Variants in ASAP2 observed in about 807,000 individuals in gnomAD.
ASAP2 encodes arf-GAP with SH3 domain, ANK repeat and PH domain-containing protein 2.
A neutral mutation model predicts 131.4 loss-of-function variants in ASAP2; 45 were observed. The observed-to-expected ratio is 0.34, with a 90% CI of 0.27 to 0.44. The LOEUF is 0.44. ASAP2 is among the 20% of genes least tolerant of loss of function. The pLI is 1.00. For synonymous variants in ASAP2, 510 were observed against 503.0 expected (o/e 1.01, Z -0.19); for missense variants, 1,011 against 1,297.0 (o/e 0.78, Z 3.39).
At chr2:9,215,978 C>G (rs1661994343) in intron 1 of ASAP2, among the ~76,000 whole-genome samples, 1 of 152,176 alleles carries the variant, frequency 6.6e-6, no homozygotes. Flanking sequence ...AAGAGTTCAG[C>G]AGAGCTGCAC....
chr2:9,255,928 G>A (rs1572267395), intron 1 of ASAP2, among the ~76,000 whole-genome samples: 1 of 152,116 alleles, frequency 6.6e-6, no homozygotes, highest in Non-Finnish European at 1.5e-5. Flanking sequence ...AGCATGCTAG[G>A]CATTGAGGGA....
At chr2:9,282,705 T>C (rs1375795182) in intron 2 of ASAP2, among the ~76,000 whole-genome samples, 3 of 152,244 alleles carry the variant, frequency 2.0e-5, no homozygotes, top group Non-Finnish European at 2.9e-5. Flanking sequence ...TTATGTACGA[T>C]TGAAAGAACA....
chr2:9,343,796 C>G (rs928156644), intron 9 of ASAP2, among the ~76,000 whole-genome samples: 2 of 151,714 alleles, frequency 1.3e-5, no homozygotes, highest in African/African-American at 4.9e-5. Flanking sequence ...ATGCCAGACA[C>G]TGGACTTGGG....
Position 9,393,551 on chromosome 2 carries a change from C to A in ASAP2, c.2588C>A (p.Pro863Gln), listed in dbSNP as rs147371192. The A allele has an allele frequency of 6.3e-6, 10 of 1,591,044 alleles. No homozygotes were observed. The African/African-American group carries it at 1.1e-4, about 17-fold the overall frequency. ...TPSVMEALSQ[P>Q]SKPAPPGISQ... ...AGCGTAATGGAAGCCTTGAGCCAGC[C>A]GAGCAAGCCTGCCCCGCCTGGGATC... is the stretch of plus-strand genomic sequence containing the variant. The change falls in exon 24 of 28, where the codon CCG becomes CAG. Residue 863 changes from proline (P) to glutamine (Q), a missense_variant. By Grantham distance (76) the Pro-to-Gln change is moderately conservative. Coordinates refer to ENST00000281419, the MANE Select transcript of ASAP2 (RefSeq NM_003887.3).
intron 2 of ASAP2, among the ~76,000 whole-genome samples, chr2:9,288,564 T>G (rs944767778): frequency 1.2e-4 from 19 of 152,162 alleles, no homozygotes; most frequent in African/African-American, 4.6e-4. Flanking sequence ...TGAAAGCTGC[T>G]TACCCTGGCA....
At position 9,405,377 on chromosome 2, in the gene ASAP2, C is replaced by G. The variant is rs913695191; in HGVS notation, c.*2050C>G. 9.8e-5 allele frequency: 15 copies of G among 152,726 alleles called. No individual in the cohort carries two copies. Among genetic ancestry groups the G allele is most frequent in the African/African-American group, 3.6e-4 (15 of 41,574 alleles). The allele number at this position is 152,726 out of a possible 1,614,324, so 9.5% of individuals were successfully genotyped here. ...CTGCAGGATTCTGGCATTTTGCATG[C>G]CATTCTCCATCAGATCTGGGATGAT... On this transcript the variant is annotated 3_prime_UTR_variant, in exon 28 of 28. Transcript: ENST00000281419.
intron 1 of ASAP2, among the ~76,000 whole-genome samples, chr2:9,277,582 C>G (rs182951253): frequency 1.9e-4 from 29 of 152,220 alleles, no homozygotes; most frequent in African/African-American, 6.5e-4. Context: ...AGGTTCACAA[C>G]AAAATTGAAT....
At chr2:9,255,416 TCA>T (rs1665087393) in intron 1 of ASAP2, among the ~76,000 whole-genome samples, 1 of 152,224 alleles carries the variant, frequency 6.6e-6, no homozygotes, top group Non-Finnish European at 1.5e-5. Context: ...GATAAATCAT[TCA>T]CACAGAAAAA....
In ASAP2 at chr2:9,230,625, A is replaced by T. The variant is rs114922994; in HGVS notation, c.126+23395A>T. On this transcript the variant is annotated intron_variant, in intron 1 of 27. Coordinates refer to ENST00000281419, the MANE Select transcript of ASAP2 (RefSeq NM_003887.3). The stretch of plus-strand genomic sequence containing the variant: ...TCCCCCAGAACTGAGATGCTGGATG[A>T]GGTGCCTGCATCCCCTGAGCTGCTT... Among the ~76,000 whole-genome samples the T allele has an allele frequency of 4.5e-3, 682 of 152,290 alleles. 4 individuals are homozygous for T. The highest frequency in any genetic ancestry group is 0.016 in the African/African-American group (650 of 41,566).
At chr2:9,263,707 C>T (rs764663984) in intron 1 of ASAP2, among the ~76,000 whole-genome samples, 3 of 152,090 alleles carry the variant, frequency 2.0e-5, no homozygotes, top group Non-Finnish European at 4.4e-5. Context: ...GTTCATGCGT[C>T]GTTTTTTCAT....
chr2:9,370,106 G>A (rs894718187), intron 16 of ASAP2, among the ~76,000 whole-genome samples: 1 of 152,186 alleles, frequency 6.6e-6, no homozygotes, highest in Non-Finnish European at 1.5e-5. Context: ...CCAAAGTGCT[G>A]GGATTACAGA....
intron 1 of ASAP2, among the ~76,000 whole-genome samples, chr2:9,258,872 G>C (rs1665369212): frequency 6.6e-6 from 1 of 152,222 alleles, no homozygotes; most frequent in African/African-American, 2.4e-5. Context: ...TGTAGTCTTT[G>C]CTTTTAGGAC....
At chr2:9,373,965 C>T (rs773099229) in intron 16 of ASAP2, among the ~76,000 whole-genome samples, 13 of 152,220 alleles carry the variant, frequency 8.5e-5, no homozygotes, top group Non-Finnish European at 1.6e-4. Flanking sequence ...TGTGTTGACG[C>T]ACATACGTCT....
In ASAP2 at chr2:9,403,607, C is replaced by A. The variant is rs1321722075; in HGVS notation, c.*280C>A. On this transcript the variant is annotated 3_prime_UTR_variant, in exon 28 of 28. Transcript: ENST00000281419. ...TTAACTATTATACATAATCAAGATC[C>A]TGCCTCTACGGAATTAGCTAAACCT... is the stretch of plus-strand genomic sequence containing the variant. 3.0e-5 allele frequency: 11 copies of A among 366,458 alleles called. No individual in the cohort carries two copies. The highest frequency in any genetic ancestry group is 5.4e-5 in the Non-Finnish European group (11 of 203,626). 22.7% of individuals were successfully genotyped at this position (366,458 alleles called of 1,614,324 possible).
At chr2:9,270,694 C>T (rs1407304399) in intron 1 of ASAP2, among the ~76,000 whole-genome samples, 2 of 151,266 alleles carry the variant, frequency 1.3e-5, no homozygotes, top group Non-Finnish European at 2.9e-5. Flanking sequence ...TTTTTGTACC[C>T]ATTTACCATC....
chr2:9,283,673 GA>G (rs1667275743), intron 2 of ASAP2, among the ~76,000 whole-genome samples: 2 of 152,194 alleles, frequency 1.3e-5, no homozygotes, highest in Non-Finnish European at 2.9e-5. Context: ...TTAAACAACA[GA>G]AATTTATTTT....
At chr2:9,351,646 G>C (rs1672339396) in intron 12 of ASAP2, among the ~76,000 whole-genome samples, 1 of 152,224 alleles carries the variant, frequency 6.6e-6, no homozygotes, top group Admixed American at 6.5e-5. Context: ...CTGTAGGAAG[G>C]CGGTGCTGTT....
At chr2:9,336,366 C>T (rs980095318) in intron 9 of ASAP2, among the ~76,000 whole-genome samples, 9 of 151,962 alleles carry the variant, frequency 5.9e-5, no homozygotes, top group African/African-American at 1.5e-4. Flanking sequence ...ACCTCTGGAG[C>T]GCTGCCTCTG....
chr2:9,211,447 GA>G (rs1661545041), intron 1 of ASAP2, among the ~76,000 whole-genome samples: 1 of 151,996 alleles, frequency 6.6e-6, no homozygotes, highest in Admixed American at 6.5e-5. Context: ...TCAAAATAGG[GA>G]AAAATTGTAT....
Sources: allele counts gnomAD v4.1 joint callset (sites outside exome capture counted in the v4.1 genomes callset), GRCh38; gene constraint gnomAD v4.1.1; transcripts MANE v1.5; gene names NCBI Gene and HGNC (gene_info 2026-07-23, HGNC 2026-07-21).